The following AK9 variants were observed in gnomAD, a reference collection of about 807,000 sequenced individuals.
AK9 encodes the protein adenylate kinase 9.
A neutral mutation model predicts 239.6 loss-of-function variants in AK9; 191 were observed. That is an observed-to-expected ratio of 0.80 (90% CI 0.71 to 0.90). The LOEUF (loss-of-function observed/expected upper bound fraction) is 0.90, where lower values mean the gene tolerates loss of function less well. AK9 is among the 40% of genes least tolerant of loss of function. The pLI, the probability that AK9 is intolerant of heterozygous loss-of-function variation, is 0.00. For synonymous variants in AK9, 689 were observed against 721.0 expected (o/e 0.96, Z 0.71); for missense variants, 1,995 against 2,214.7 (o/e 0.90, Z 1.99).
intron 10 of AK9, among the ~76,000 whole-genome samples, chr6:109,633,570 A>C (rs921578674): frequency 6.6e-6 from 1 of 152,180 alleles, no homozygotes; most frequent in Middle Eastern, 3.2e-3. Flanking sequence ...GTTTACATTT[A>C]TGTTAAAAAA....
intron 5 of AK9, among the ~76,000 whole-genome samples, chr6:109,669,867 A>G (rs2128332472): frequency 6.6e-6 from 1 of 152,314 alleles, no homozygotes; most frequent in Admixed American, 6.5e-5. Flanking sequence ...TTTAGGTTCC[A>G]TCTCCACTGC....
chr6:109,619,620 A>T (rs901950793), intron 12 of AK9, among the ~76,000 whole-genome samples: 1 of 152,128 alleles, frequency 6.6e-6, no homozygotes, highest in Non-Finnish European at 1.5e-5. Flanking sequence ...TCACAAATAT[A>T]CATATATATA....
intron 1 of AK9, among the ~76,000 whole-genome samples, chr6:109,689,272 T>C (rs1473375357): frequency 6.6e-6 from 1 of 152,166 alleles, no homozygotes; most frequent in Non-Finnish European, 1.5e-5. Flanking sequence ...GTGAACTTGA[T>C]GTGGAGGAAG....
At chr6:109,504,701 C>T (rs901809022) in intron 35 of AK9, among the ~76,000 whole-genome samples, 3 of 151,806 alleles carry the variant, frequency 2.0e-5, no homozygotes, top group African/African-American at 4.8e-5. Flanking sequence ...CCTAGCTACT[C>T]GGGAGGCTGA....
intron 17 of AK9, among the ~76,000 whole-genome samples, chr6:109,601,782 G>A (rs977695073): frequency 6.6e-6 from 1 of 152,090 alleles, no homozygotes; most frequent in South Asian, 2.1e-4. Context: ...GTGCATATAT[G>A]TTTAGGATAG....
intron 1 of AK9, among the ~76,000 whole-genome samples, chr6:109,685,611 G>C (rs1291124686): frequency 6.6e-6 from 1 of 152,080 alleles, no homozygotes; most frequent in African/African-American, 2.4e-5. Context: ...ATAACACTAG[G>C]AGAAATACCT....
chr6:109,593,969 C>G (rs1790645291), intron 17 of AK9, among the ~76,000 whole-genome samples: 1 of 152,194 alleles, frequency 6.6e-6, no homozygotes, highest in Non-Finnish European at 1.5e-5. Flanking sequence ...CAAGGATGCC[C>G]TCTCTCACCA....
intron 30 of AK9, 142 bp downstream of exon 30, chr6:109,516,288 G>T (rs1779269330): frequency 1.1e-6 from 1 of 893,426 alleles, no homozygotes; most frequent in African/African-American, 1.7e-5. Flanking sequence ...TTGCATAATT[G>T]TTAAATGATA....
rs1237944899 is a variant in AK9 at position 109,579,658 on chromosome 6, T to G, written c.2115-32A>C. On this transcript the variant is annotated intron_variant, in intron 19 of 40. Transcript: ENST00000424296. ...TGAAAAGGTTCAAATTTAATTATCT[T>G]TGGAAATTCAGACTTCTCACACTAT... 6 of 1,531,982 alleles carry G rather than the reference T, an allele frequency of 3.9e-6. No homozygotes were observed. The Admixed American group carries it at 6.0e-5, about 15-fold the overall frequency. 94.9% of individuals were successfully genotyped at this position (1,531,982 alleles called of 1,614,324 possible).
intron 5 of AK9, among the ~76,000 whole-genome samples, chr6:109,665,588 A>G (rs1013100796): frequency 1.3e-5 from 2 of 152,106 alleles, no homozygotes; most frequent in African/African-American, 4.8e-5. Context: ...TAAGACTTTG[A>G]CCAGTATCTC....
chr6:109,608,661 A>G (rs1171979791), intron 17 of AK9, among the ~76,000 whole-genome samples: 1 of 152,144 alleles, frequency 6.6e-6, no homozygotes, highest in African/African-American at 2.4e-5. Flanking sequence ...GATTTTGGGT[A>G]GGCAAATATT....
chr6:109,552,255 G>C (rs1484139173), intron 24 of AK9, among the ~76,000 whole-genome samples: 3 of 152,008 alleles, frequency 2.0e-5, no homozygotes, highest in Non-Finnish European at 2.9e-5. Flanking sequence ...CTGGTATTTT[G>C]GTTCTAGATC....
rs940340904 is a variant in AK9 at position 109,618,838 on chromosome 6, G to C, written c.1399+254C>G. Among the ~76,000 whole-genome samples the C allele has an allele frequency of 5.9e-5, 9 of 152,174 alleles. No homozygotes were observed. The East Asian group carries it at 1.5e-3, about 26-fold the overall frequency. The stretch of plus-strand genomic sequence containing the variant: ...CCTGATCAAACAGTCTGCCCAGTAA[G>C]GTAGACCCATTGGAGAAAGAAATCC... On this transcript the variant is annotated intron_variant, in intron 13 of 40. Transcript: ENST00000424296.
chr6:109,569,261 T>C (rs897911997), intron 21 of AK9, among the ~76,000 whole-genome samples: 1 of 151,990 alleles, frequency 6.6e-6, no homozygotes, highest in Non-Finnish European at 1.5e-5. Flanking sequence ...CTTCCTTACA[T>C]CTTATACAAA....
intron 35 of AK9, among the ~76,000 whole-genome samples, chr6:109,503,058 A>G (rs988071019): frequency 3.3e-5 from 5 of 151,938 alleles, no homozygotes; most frequent in African/African-American, 1.2e-4. Flanking sequence ...ACACTATTCT[A>G]TCTGTTGCTT....
chr6:109,614,207 G>T lies in AK9; in HGVS notation c.1585C>A (p.Gln529Lys). 1 of 1,551,160 alleles carries T rather than the reference G, an allele frequency of 6.4e-7. No homozygotes were observed. The highest frequency in any genetic ancestry group is 1.2e-5 in the South Asian group (1 of 83,998). ...CCATCTTTATCAACTTTAGCAGCTT[G>T]ATCATGGAGGACATTTTCTGACTTT... ...KTKSENVLHD[Q>K]AAKVDKDDGK... Residue 529 changes from glutamine to lysine, a missense_variant, in exon 15 of 41, where the codon CAA becomes AAA. Gln to Lys is a moderately conservative substitution (Grantham distance 53). This residue lies in a region of AK9 where 1,290 missense variants were observed against 1,392.7 expected (regional missense o/e 0.93). Transcript: ENST00000424296.
At chr6:109,548,217 C>A (rs1008154843) in intron 25 of AK9, among the ~76,000 whole-genome samples, 1 of 152,032 alleles carries the variant, frequency 6.6e-6, no homozygotes, top group Non-Finnish European at 1.5e-5. Context: ...CATATTATGA[C>A]AAAACTATGC....
chr6:109,684,627 C>A (rs948439451), intron 1 of AK9, among the ~76,000 whole-genome samples: 2 of 151,544 alleles, frequency 1.3e-5, no homozygotes, highest in African/African-American at 2.4e-5. Context: ...GTAATCCCAG[C>A]ACTTTGGGAG....
chr6:109,531,037 G>A (rs552964561), intron 28 of AK9, among the ~76,000 whole-genome samples: 6 of 151,416 alleles, frequency 4.0e-5, no homozygotes, highest in South Asian at 4.2e-4. Context: ...GTCAGACTCC[G>A]TCTCAAAAGA....
Sources: allele counts gnomAD v4.1 joint callset (sites outside exome capture counted in the v4.1 genomes callset), GRCh38; gene constraint gnomAD v4.1.1; regional missense constraint gnomAD v4.1.1; transcripts MANE v1.5; gene names NCBI Gene and HGNC (gene_info 2026-07-23, HGNC 2026-07-21).